MREG: variants seen among roughly 807,000 people sequenced by gnomAD.
MREG encodes the protein dilute suppressor protein homolog.
Under a neutral mutation model 28.5 loss-of-function variants are expected in MREG, and 31 were observed. The ratio of observed to expected loss-of-function variants is 1.09; its 90% CI spans 0.82 to 1.47. MREG has a LOEUF of 1.47. Ranked by LOEUF, MREG falls within the 40% of genes most tolerant of loss-of-function variation. The pLI, the probability that MREG is intolerant of heterozygous loss-of-function variation, is 0.00. For missense variants in MREG, 256 were observed against 257.4 expected (o/e 0.99, Z 0.04); for synonymous variants, 106 against 95.2 (o/e 1.11, Z -0.66).
At chr2:215,977,851 T>C (rs1159682530) in intron 2 of MREG, among the ~76,000 whole-genome samples, 1 of 152,168 alleles carries the variant, frequency 6.6e-6, no homozygotes, top group Non-Finnish European at 1.5e-5. Context: ...AGACACAAGG[T>C]TCCAGAATCT....
chr2:215,952,982 CCT>C (rs1372638774), intron 2 of MREG, among the ~76,000 whole-genome samples: 1 of 152,034 alleles, frequency 6.6e-6, no homozygotes, highest in Non-Finnish European at 1.5e-5. Context: ...TCTCTCTCCC[CCT>C]CTCTCTCTCC....
chr2:215,964,840 C>CAGACAGATAGAT lies in MREG; in HGVS notation c.256-17728_256-17727insATCTATCTGTCT, dbSNP rs370423282. Among the ~76,000 whole-genome samples, 9 of 149,624 alleles carry CAGACAGATAGAT rather than the reference C, an allele frequency of 6.0e-5. No homozygotes were observed. In the South Asian group the frequency reaches 1.1e-3, roughly 18 times the overall value. On this transcript the variant is annotated intron_variant, in intron 2 of 4. Coordinates refer to ENST00000263268, the MANE Select transcript of MREG (RefSeq NM_018000.3). ...AGTTCTAAGAATCTAGACAGACAGA[C>CAGACAGATAGAT]AGATAGATAGATAGATAGATAGATA...
intron 2 of MREG, among the ~76,000 whole-genome samples, chr2:215,958,633 T>G (rs1377779755): frequency 6.6e-6 from 1 of 152,210 alleles, no homozygotes; most frequent in African/African-American, 2.4e-5. Context: ...GAGCCTCCAT[T>G]GCTCTTCTCA....
At position 215,944,576 on chromosome 2, in the gene MREG, G is replaced by A. The variant is rs1201912450; in HGVS notation, c.*287C>T. On this transcript the variant is annotated 3_prime_UTR_variant, in exon 5 of 5. Coordinates refer to ENST00000263268, the MANE Select transcript of MREG (RefSeq NM_018000.3). Reference sequence around the variant, plus strand: ...AGATTATGACACAACTAAAACCAAAGCTGGGGCAATGGGCTCTCAGAATGG... The same window carrying A: ...AGATTATGACACAACTAAAACCAAAACTGGGGCAATGGGCTCTCAGAATGG... The A allele has an allele frequency of 4.1e-6, 1 of 242,354 alleles. No individual in the cohort carries two copies. Among genetic ancestry groups the A allele is most frequent in the Non-Finnish European group, 8.0e-6 (1 of 125,664 alleles). The allele number at this position is 242,354 out of a possible 1,614,324, so 15.0% of individuals were successfully genotyped here. A position where few individuals can be genotyped will look rare whatever the true frequency, so the allele number is the denominator to read the frequency against.
chr2:215,969,102 A>G (rs537473830), intron 2 of MREG, among the ~76,000 whole-genome samples: 1 of 152,280 alleles, frequency 6.6e-6, no homozygotes, highest in African/African-American at 2.4e-5. Flanking sequence ...CAGACATCAG[A>G]TTTGAGTTTT....
chr2:215,997,490 G>C (rs1285017174), intron 1 of MREG, among the ~76,000 whole-genome samples: 1 of 152,186 alleles, frequency 6.6e-6, no homozygotes, highest in Non-Finnish European at 1.5e-5. Flanking sequence ...ACTTCATCTA[G>C]TAATATGTAT....
At chr2:216,011,058 T>C (rs965346479) in intron 1 of MREG, among the ~76,000 whole-genome samples, 1 of 141,942 alleles carries the variant, frequency 7.0e-6, no homozygotes. Flanking sequence ...ATCATGCCAC[T>C]GCACTCCAGC....
At chr2:216,008,391 C>T (rs905256347) in intron 1 of MREG, among the ~76,000 whole-genome samples, 1 of 150,862 alleles carries the variant, frequency 6.6e-6, no homozygotes, top group South Asian at 2.1e-4. Flanking sequence ...AATCAAACAT[C>T]GTTACATCTG....
Position 215,966,743 on chromosome 2 carries a change from A to G in MREG, c.256-19630T>C, listed in dbSNP as rs191331079. ...CAGCCTCCCAAGTAGCTGGGATTAT[A>G]GGCGTGTGCCACCACGCCTGGCTAA... On this transcript the variant is annotated intron_variant, in intron 2 of 4. Transcript: ENST00000263268. Among the ~76,000 whole-genome samples the G allele has an allele frequency of 3.2e-4, 48 of 151,956 alleles. 1 individual carries two copies. Among genetic ancestry groups the G allele is most frequent in the African/African-American group, 8.7e-4 (36 of 41,424 alleles).
At chr2:215,991,269 A>T (rs1693713418) in intron 2 of MREG, among the ~76,000 whole-genome samples, 1 of 152,216 alleles carries the variant, frequency 6.6e-6, no homozygotes, top group East Asian at 1.9e-4. Flanking sequence ...ATGGAAACTG[A>T]ACAACCTGTT....
chr2:215,972,238 C>CA (rs1486845262), intron 2 of MREG, among the ~76,000 whole-genome samples: 3 of 152,102 alleles, frequency 2.0e-5, no homozygotes, highest in Admixed American at 2.0e-4. Context: ...CAGCATTATC[C>CA]AAAGGTTATC....
At chr2:216,031,475 G>GAA (rs373434476) in intron 1 of MREG, among the ~76,000 whole-genome samples, 8 of 132,818 alleles carry the variant, frequency 6.0e-5, no homozygotes, top group African/African-American at 2.4e-4. Context: ...AAGAAAGAAA[G>GAA]AGAAAGAAAG....
intron 2 of MREG, among the ~76,000 whole-genome samples, chr2:215,979,978 C>CAAAAAAAAAAA (rs5838560): frequency 7.0e-6 from 1 of 143,386 alleles, no homozygotes. Context: ...AACAAACAAA[C>CAAAAAAAAAAA]AAAAAAAAAA....
At chr2:216,003,749 G>A (rs771624729) in intron 1 of MREG, among the ~76,000 whole-genome samples, 1 of 152,050 alleles carries the variant, frequency 6.6e-6, no homozygotes, top group African/African-American at 2.4e-5. Flanking sequence ...GACCCTTGAC[G>A]GCATCCCCCA....
At chr2:215,984,107 G>C (rs1693500564) in intron 2 of MREG, among the ~76,000 whole-genome samples, 1 of 152,200 alleles carries the variant, frequency 6.6e-6, no homozygotes, top group Admixed American at 6.5e-5. Context: ...CAGAAGGCAA[G>C]GAGGAGCAAG....
intron 1 of MREG, among the ~76,000 whole-genome samples, chr2:216,012,449 G>C (rs1225934225): frequency 6.6e-6 from 1 of 152,158 alleles, no homozygotes; most frequent in Non-Finnish European, 1.5e-5. Flanking sequence ...TTTAGTATTT[G>C]CTTACTCAAC....
intron 2 of MREG, among the ~76,000 whole-genome samples, chr2:215,987,024 A>C (rs1693588499): frequency 6.6e-6 from 1 of 152,270 alleles, no homozygotes; most frequent in African/African-American, 2.4e-5. Flanking sequence ...AAAAAAAATA[A>C]ATCAACGTAA....
Position 215,965,902 on chromosome 2 carries a change from G to A in MREG, c.256-18789C>T, listed in dbSNP as rs113154857. Among the ~76,000 whole-genome samples, 465 of 152,290 alleles carry A rather than the reference G, an allele frequency of 3.1e-3. 4 individuals are homozygous for A. Among genetic ancestry groups the A allele is most frequent in the African/African-American group, 0.011 (437 of 41,556 alleles). On this transcript the variant is annotated intron_variant, in intron 2 of 4. Transcript: ENST00000263268. Reference sequence around the variant, plus strand: ...TCAATTGCACCTCCAGGTAATGAGAGGAATGATCTTTGCTAGGAGGAAAAA... The same window carrying A: ...TCAATTGCACCTCCAGGTAATGAGAAGAATGATCTTTGCTAGGAGGAAAAA...
At chr2:215,939,506 G>T (rs909983611), downstream of MREG, 1 of 152,128 alleles carries the variant, frequency 6.6e-6, no homozygotes, top group African/African-American at 2.4e-5. Context: ...GGCAGTGAAA[G>T]TTTCATTCTT....
Sources: gnomAD v4.1 joint callset for allele counts (sites outside exome capture counted in the v4.1 genomes callset) on GRCh38, gnomAD v4.1.1 for gene constraint, MANE v1.5 for transcripts, NCBI Gene and HGNC (gene_info 2026-07-23, HGNC 2026-07-21) for gene names.